The following GRB14 variants were observed in gnomAD, a reference collection of about 807,000 sequenced individuals.
GRB14 encodes growth factor receptor bound protein 14.
A neutral mutation model predicts 69.1 loss-of-function variants in GRB14; 38 were observed. The ratio of observed to expected loss-of-function variants is 0.55; its 90% CI spans 0.42 to 0.72. The LOEUF (loss-of-function observed/expected upper bound fraction) is 0.72. Ranked by LOEUF, GRB14 falls within the 30% of genes least tolerant of loss-of-function variation. The pLI is 0.00. For synonymous variants in GRB14, 247 were observed against 241.3 expected, an observed-to-expected ratio of 1.02 and a Z score of -0.22; for missense variants, 666 against 666.1, an observed-to-expected ratio of 1.00 and a Z score of 0.00.
At chr2:164,620,609 C>A (rs1462089713) in intron 1 of GRB14, among the ~76,000 whole-genome samples, 1 of 152,102 alleles carries the variant, frequency 6.6e-6, no homozygotes, top group African/African-American at 2.4e-5. Context: ...GTATGTGCAA[C>A]TCTAAAGGCA....
chr2:164,619,798 A>G lies in GRB14; in HGVS notation c.213T>C (p.Asp71=). The change falls in exon 2 of 14, where the codon GAT becomes GAC. Residue 71 remains aspartate, a synonymous_variant. Transcript: ENST00000263915. ...TTGGAATAGATGGCATTTCCGGAAC[A>G]TCAAGATCTTTCTTTTTTCTCCTAC... ...AADRRKKKDL[D]VPEMPSIPNP... The G allele has an allele frequency of 1.2e-6, 2 of 1,610,066 alleles. No homozygotes were observed. The highest frequency in any genetic ancestry group is 1.7e-6 in the Non-Finnish European group (2 of 1,177,704).
intron 2 of GRB14, among the ~76,000 whole-genome samples, chr2:164,594,357 C>T (rs1447244619): frequency 1.3e-5 from 2 of 152,144 alleles, no homozygotes; most frequent in African/African-American, 4.8e-5. Flanking sequence ...TTTGATGCAT[C>T]CACATGGCTA....
At chr2:164,546,116 T>C (rs528357362) in intron 3 of GRB14, among the ~76,000 whole-genome samples, 25 of 152,316 alleles carry the variant, frequency 1.6e-4, no homozygotes, top group Middle Eastern at 3.4e-3. Flanking sequence ...CTTTGCATTG[T>C]GCTAATAAAA....
chr2:164,530,756 G>A (rs1687908918), intron 3 of GRB14, among the ~76,000 whole-genome samples: 1 of 152,156 alleles, frequency 6.6e-6, no homozygotes, highest in Non-Finnish European at 1.5e-5. Flanking sequence ...AGGAAATAAT[G>A]GGGATGAGAT....
chr2:164,560,072 C>T (rs887289977), intron 2 of GRB14, among the ~76,000 whole-genome samples: 5 of 152,114 alleles, frequency 3.3e-5, no homozygotes, highest in South Asian at 2.1e-4. Flanking sequence ...GGAGTCTTGA[C>T]CTGCTCAAGG....
chr2:164,619,645 A>G (rs1375514747), intron 2 of GRB14, 42 bp downstream of exon 2: 41 of 1,411,952 alleles, frequency 2.9e-5, no homozygotes, highest in Non-Finnish European at 4.0e-5. Flanking sequence ...ATGGATTCAG[A>G]ACTCCTAAGA....
At chr2:164,559,522 T>C (rs1192681243) in intron 2 of GRB14, among the ~76,000 whole-genome samples, 1 of 152,130 alleles carries the variant, frequency 6.6e-6, no homozygotes, top group African/African-American at 2.4e-5. Context: ...CTCTCACATA[T>C]TAGTGAGAAC....
intron 3 of GRB14, among the ~76,000 whole-genome samples, chr2:164,531,975 G>A (rs1053755022): frequency 6.6e-5 from 10 of 152,190 alleles, no homozygotes; most frequent in Non-Finnish European, 1.0e-4. Flanking sequence ...ACATTCCTGA[G>A]AAGAAATGTG....
chr2:164,568,597 C>A, intron 2 of GRB14: 2 of 332,386 alleles, frequency 6.0e-6, no homozygotes, highest in Non-Finnish European at 8.7e-6. Flanking sequence ...GAAAACCCCG[C>A]CTTTGTCCTT....
At chr2:164,566,032 T>A (rs1688964590) in intron 2 of GRB14, among the ~76,000 whole-genome samples, 1 of 152,166 alleles carries the variant, frequency 6.6e-6, no homozygotes, top group African/African-American at 2.4e-5. Flanking sequence ...GGATTCCATT[T>A]GATAAATTAT....
At chr2:164,575,811 C>A (rs1303361771) in intron 2 of GRB14, among the ~76,000 whole-genome samples, 2 of 151,868 alleles carry the variant, frequency 1.3e-5, no homozygotes, top group African/African-American at 2.4e-5. Flanking sequence ...ATAAAAAGAG[C>A]AAACACAAAG....
intron 8 of GRB14, among the ~76,000 whole-genome samples, chr2:164,506,276 A>G (rs1348628968): frequency 6.6e-6 from 1 of 152,228 alleles, no homozygotes; most frequent in Non-Finnish European, 1.5e-5. Flanking sequence ...TTTGAAAAAC[A>G]AGCAAACCTC....
intron 2 of GRB14, among the ~76,000 whole-genome samples, chr2:164,582,771 C>T (rs1395393664): frequency 6.6e-6 from 1 of 152,178 alleles, no homozygotes; most frequent in East Asian, 1.9e-4. Flanking sequence ...ACCTTCAGGT[C>T]TCCATAACCT....
intron 8 of GRB14, among the ~76,000 whole-genome samples, chr2:164,504,931 T>C (rs2105262932): frequency 6.6e-6 from 1 of 152,286 alleles, no homozygotes; most frequent in Non-Finnish European, 1.5e-5. Flanking sequence ...AAATACTTGC[T>C]GTGACAGTGT....
At chr2:164,576,552 T>G (rs1275606984) in intron 2 of GRB14, among the ~76,000 whole-genome samples, 1 of 151,746 alleles carries the variant, frequency 6.6e-6, no homozygotes, top group Non-Finnish European at 1.5e-5. Context: ...ATCTGAAAAT[T>G]TTAAGACTCT....
At chr2:164,597,233 T>C (rs1689805343) in intron 2 of GRB14, among the ~76,000 whole-genome samples, 1 of 152,174 alleles carries the variant, frequency 6.6e-6, no homozygotes, top group Admixed American at 6.5e-5. Flanking sequence ...ATATACAATA[T>C]ACAAACTAGA....
intron 2 of GRB14, among the ~76,000 whole-genome samples, chr2:164,586,286 T>C (rs1298001964): frequency 1.3e-5 from 2 of 152,164 alleles, no homozygotes; most frequent in South Asian, 2.1e-4. Flanking sequence ...GAAAGTTGCA[T>C]TGGAGTTAAT....
intron 2 of GRB14, among the ~76,000 whole-genome samples, chr2:164,603,833 T>C (rs1243037845): frequency 6.6e-6 from 1 of 152,116 alleles, no homozygotes; most frequent in African/African-American, 2.4e-5. Flanking sequence ...TCACAATTAC[T>C]GAGAAAAGAT....
intron 2 of GRB14, among the ~76,000 whole-genome samples, chr2:164,591,482 A>C (rs1344924826): frequency 6.6e-6 from 1 of 152,146 alleles, no homozygotes; most frequent in Non-Finnish European, 1.5e-5. Context: ...GTTCTTCAAT[A>C]AATGAGGTCA....
Sources: gnomAD v4.1 joint callset for allele counts (sites outside exome capture counted in the v4.1 genomes callset) on GRCh38, gnomAD v4.1.1 for gene constraint, MANE v1.5 for transcripts, NCBI Gene and HGNC (gene_info 2026-07-23, HGNC 2026-07-21) for gene names.